Variants in SCARF2 observed in about 807,000 individuals in gnomAD.
SCARF2 encodes scavenger receptor class F member 2, also known as scavenger receptor expressed by endothelial cells 2 protein.
SCARF2 carries 39 observed loss-of-function variants against 73.4 expected under a neutral mutation model. The ratio of observed to expected loss-of-function variants is 0.53; its 90% CI spans 0.41 to 0.69. SCARF2 has a LOEUF of 0.69. SCARF2 is among the 30% of genes least tolerant of loss of function. SCARF2 has a pLI of 0.00. For synonymous variants in SCARF2, 605 were observed against 590.0 expected, an observed-to-expected ratio of 1.03 and a Z score of -0.37; for missense variants, 1,148 against 1,303.5, an observed-to-expected ratio of 0.88 and a Z score of 1.84.
Position 20,437,727 on chromosome 22 carries a change from C to T in SCARF2, c.28G>A (p.Gly10Arg). 1.5e-6 allele frequency: 2 copies of T among 1,300,268 alleles called. No homozygotes were observed. The highest frequency in any genetic ancestry group is 1.9e-6 in the Non-Finnish European group (2 of 1,030,182). 80.5% of individuals were successfully genotyped at this position (1,300,268 alleles called of 1,614,324 possible). A position where few individuals can be genotyped will look rare whatever the true frequency, so the allele number is the denominator to read the frequency against. The stretch of plus-strand genomic sequence containing the variant: ...CCGGCTCCCCGGCGCCGCGCCGGCC[C>T]GGCCCCCCGGGGCCCTGCGCCCTCC... MEGAGPRGA[G>R]PARRRGAGGP... The change falls in exon 1 of 11, where the codon GGG becomes AGG. Residue 10 changes from glycine to arginine, a missense_variant. Transcript: ENST00000622235.
chr22:20,435,242 CAGATCCATTGAGAAAAA>C (rs1569112328), intron 1 of SCARF2, among the ~76,000 whole-genome samples: 1 of 152,190 alleles, frequency 6.6e-6, no homozygotes, highest in African/African-American at 2.4e-5. Flanking sequence ...TTGTCTACAC[CAGATCCATTGAGAAAAA>C]AGACGCTGAG....
In SCARF2 at chr22:20,425,210, C is replaced by T. The variant is rs773508332; in HGVS notation, c.*165G>A. 3 of 526,268 alleles carry T rather than the reference C, an allele frequency of 5.7e-6. No individual in the cohort carries two copies. Among genetic ancestry groups the T allele is most frequent in the Non-Finnish European group, 5.9e-6 (2 of 337,722 alleles). 32.6% of individuals were successfully genotyped at this position (526,268 alleles called of 1,614,324 possible). A position where few individuals can be genotyped will look rare whatever the true frequency, so the allele number is the denominator to read the frequency against. On this transcript the variant is annotated 3_prime_UTR_variant, in exon 11 of 11. Transcript: ENST00000622235. This position sits in a 1 kb window ranked among gnomAD's most constrained non-coding sequence, Gnocchi z 4.6. ...CCCTTCCCGCCAGAGCACACTGCTC[C>T]AATCCAGGAGCGGCTGCAGGACCTG...
In SCARF2 at chr22:20,429,209, G is replaced by A; in HGVS notation, c.1540+16C>T. ...GAGAGGTGTTTCTCCCAGATACCCC[G>A]CGCTGTCATCCTTACCTACGACTTT... is the stretch of plus-strand genomic sequence containing the variant. On this transcript the variant is annotated intron_variant, in intron 9 of 10. Transcript: ENST00000622235. This position sits in a 1 kb window ranked among gnomAD's most constrained non-coding sequence, Gnocchi z 5.2. 6.2e-7 allele frequency: 1 copy of A among 1,613,950 alleles called. No individual in the cohort carries two copies. The highest frequency in any genetic ancestry group is 8.5e-7 in the Non-Finnish European group (1 of 1,180,004).
At chr22:20,436,914 C>A (rs2052706529) in intron 1 of SCARF2, among the ~76,000 whole-genome samples, 1 of 152,220 alleles carries the variant, frequency 6.6e-6, no homozygotes, top group Admixed American at 6.5e-5. Flanking sequence ...CCAGCCGGCG[C>A]CCCACATTTG....
intron 9 of SCARF2, among the ~76,000 whole-genome samples, chr22:20,428,210 TCCTCCCTC>T (rs3072077): frequency 2.0e-4 from 28 of 142,784 alleles, no homozygotes; most frequent in South Asian, 4.7e-4. Flanking sequence ...TTGGGGTTTC[TCCTCCCTC>T]CCTCCCTCCC....
chr22:20,429,757 C>G lies in SCARF2; in HGVS notation c.1279G>C (p.Asp427His), dbSNP rs1454144327. Residue 427 changes from aspartate (D) to histidine (H), a missense_variant, in exon 7 of 11, where the codon GAC becomes CAC. Physicochemically the swap from Asp to His is moderately conservative, Grantham distance 81 (BLOSUM62 -1). Around this residue, in one of 5 missense-constraint regions of SCARF2, gnomAD observed 372 missense variants for 532.0 expected, o/e 0.70. Coordinates refer to ENST00000622235, the MANE Select transcript of SCARF2 (RefSeq NM_182895.5). The surrounding 1 kb of genome is among the most constrained non-coding windows in gnomAD (Gnocchi z 5.2). ...AGGTGGCAGGCACCAGTGACCGGGT[C>G]GCACGTGTCCTCGTGGCAGCTGCAG... ...QACSCHEDTC[D>H]PVTGACHLET... The G allele has an allele frequency of 6.2e-7, 1 of 1,613,734 alleles. No homozygotes were observed. The highest frequency in any genetic ancestry group is 8.5e-7 in the Non-Finnish European group (1 of 1,179,948).
chr22:20,428,013 T>C (rs1569106974), intron 9 of SCARF2, among the ~76,000 whole-genome samples: 1 of 152,150 alleles, frequency 6.6e-6, no homozygotes, highest in Non-Finnish European at 1.5e-5. Flanking sequence ...AGCTGCACCC[T>C]AGGCCTGGCC....
chr22:20,427,460 C>T lies in SCARF2; in HGVS notation c.1631G>A (p.Arg544Gln), dbSNP rs774136061. The change falls in exon 10 of 11, where the codon CGG becomes CAG. Residue 544 changes from arginine (R) to glutamine (Q), a missense_variant. Physicochemically the swap from Arg to Gln is conservative, Grantham distance 43 (BLOSUM62 1). Transcript: ENST00000622235. Reference protein sequence around the residue: ...LEQPSPSWSSRASFSSFDTTD... With the variant: ...LEQPSPSWSSQASFSSFDTTD... ...GGTGTCAAACGAGGAGAAGGAGGCC[C>T]GAGAGGACCAGGATGGTGAGGGCTG... The T allele has an allele frequency of 3.5e-5, 56 of 1,614,002 alleles. 2 individuals are homozygous for T. In the South Asian group the frequency reaches 4.8e-4, roughly 14 times the overall value.
chr22:20,426,384 T>A, intron 10 of SCARF2, 102 bp from the exon 11 acceptor site: 2 of 1,305,210 alleles, frequency 1.5e-6, no homozygotes, highest in Non-Finnish European at 2.1e-6. Flanking sequence ...CCCACGCCCT[T>A]GGCACTGTGT....
At position 20,426,215 on chromosome 22, in the gene SCARF2, A is replaced by AGGGGAC; in HGVS notation, c.1755_1760dup (p.Ser586_Pro587dup). On this transcript the variant is annotated inframe_insertion, in exon 11 of 11. Transcript: ENST00000622235. The stretch of plus-strand genomic sequence containing the variant: ...CGGAGGCTGGCGTGGTCAAGGGCAC[A>AGGGGAC]GGGGACGGCGCCGGCGCCTCGGCAG... 1 of 1,531,962 alleles carries AGGGGAC rather than the reference A, an allele frequency of 6.5e-7. No homozygotes were observed. The allele number at this position is 1,531,962 out of a possible 1,614,324, so 94.9% of individuals were successfully genotyped here. A position where few individuals can be genotyped will look rare whatever the true frequency, so the allele number is the denominator to read the frequency against.
chr22:20,437,390 G>T lies in SCARF2; in HGVS notation c.173+192C>A, dbSNP rs574341828. ...TCCCCTCAGGTGACTTCTCGTCCAG[G>T]GTTCCCTGGGATGCACTGTCGTGGC... On this transcript the variant is annotated intron_variant, in intron 1 of 10. Coordinates refer to ENST00000622235, the MANE Select transcript of SCARF2 (RefSeq NM_182895.5). Among the ~76,000 whole-genome samples the T allele has an allele frequency of 3.3e-5, 5 of 152,318 alleles. No homozygotes were observed. The South Asian group carries it at 1.0e-3, about 32-fold the overall frequency.
Position 20,425,612 on chromosome 22 carries a change from C to A in SCARF2, c.2364G>T (p.Leu788=). ...GCTTTTCCCTGGGGCCCTGCGCGCCCAGGGCCACCTCGGCGCGGCCCAGGC... is the reference window on the plus strand; with the variant it reads ...GCTTTTCCCTGGGGCCCTGCGCGCCAAGGGCCACCTCGGCGCGGCCCAGGC... ...TRSLGRAEVA[L]GAQGPREKPA... The change falls in exon 11 of 11, where the codon CTG becomes CTT. Residue 788 remains leucine, a synonymous_variant. Transcript: ENST00000622235. This position sits in a 1 kb window ranked among gnomAD's most constrained non-coding sequence, Gnocchi z 4.6. 1.5e-6 allele frequency: 2 copies of A among 1,326,698 alleles called. No homozygotes were observed. Among genetic ancestry groups the A allele is most frequent in the South Asian group, 1.9e-5 (1 of 51,776 alleles). The allele number at this position is 1,326,698 out of a possible 1,614,324, so 82.2% of individuals were successfully genotyped here.
At chr22:20,436,803 C>T (rs896452226) in intron 1 of SCARF2, among the ~76,000 whole-genome samples, 2 of 152,196 alleles carry the variant, frequency 1.3e-5, no homozygotes, top group Non-Finnish European at 2.9e-5. Context: ...CAGCTCCTAA[C>T]TCCTGGCGTC....
rs961822061 is a variant in SCARF2, at chr22:20,425,943, C to T, written c.2033G>A (p.Gly678Asp). ...IHGKHSAAAAGRAPSPPPPGS... is the reference protein window; with the variant it reads ...IHGKHSAAAADRAPSPPPPGS... ...TGGCGGCGGTGGTGAGGGCGCACGG[C>T]CAGCTGCAGCGGCGCTGTGCTTGCC... The change falls in exon 11 of 11, where the codon GGC becomes GAC. Residue 678 changes from glycine (G) to aspartate (D), a missense_variant. This residue lies in a region of SCARF2 where 437 missense variants were observed against 433.6 expected (regional missense o/e 1.01). Coordinates refer to ENST00000622235, the MANE Select transcript of SCARF2 (RefSeq NM_182895.5). This position sits in a 1 kb window ranked among gnomAD's most constrained non-coding sequence, Gnocchi z 4.6. 6 of 1,594,666 alleles carry T rather than the reference C, an allele frequency of 3.8e-6. No individual in the cohort carries two copies. Among genetic ancestry groups the T allele is most frequent in the Non-Finnish European group, 5.1e-6 (6 of 1,174,616 alleles).
rs753342665 is a variant in SCARF2 at position 20,425,373 on chromosome 22, T to G, written c.*2A>C. On this transcript the variant is annotated 3_prime_UTR_variant, in exon 11 of 11. Transcript: ENST00000622235. This position sits in a 1 kb window ranked among gnomAD's most constrained non-coding sequence, Gnocchi z 4.6. Reference sequence around the variant, plus strand: ...AGCTGCGCGCGGACGAGCCACAGCCTGCTACAGGGTGGGTGCGCCCGCCCT... The same window carrying G: ...AGCTGCGCGCGGACGAGCCACAGCCGGCTACAGGGTGGGTGCGCCCGCCCT... The G allele has an allele frequency of 8.5e-6, 12 of 1,416,272 alleles. No homozygotes were observed. Among genetic ancestry groups the G allele is most frequent in the Admixed American group, 2.6e-5 (1 of 39,066 alleles). The allele number at this position is 1,416,272 out of a possible 1,614,324, so 87.7% of individuals were successfully genotyped here. A position where few individuals can be genotyped will look rare whatever the true frequency, so the allele number is the denominator to read the frequency against.
Position 20,429,920 on chromosome 22 carries a change from G to T in SCARF2, c.1203-87C>A. 2 of 1,336,990 alleles carry T rather than the reference G, an allele frequency of 1.5e-6. No individual in the cohort carries two copies. The highest frequency in any genetic ancestry group is 2.1e-6 in the Non-Finnish European group (2 of 964,390). 82.8% of individuals were successfully genotyped at this position (1,336,990 alleles called of 1,614,324 possible). ...CCCCTCACCCGCGGCCAGGGCCCAG[G>T]GTCCAGGGTCCCAGAACCGGGCTCT... On this transcript the variant is annotated intron_variant, in intron 6 of 10. Coordinates refer to ENST00000622235, the MANE Select transcript of SCARF2 (RefSeq NM_182895.5). The surrounding 1 kb of genome is among the most constrained non-coding windows in gnomAD (Gnocchi z 5.2).
chr22:20,433,819 G>C lies in SCARF2; in HGVS notation c.174-1831C>G, dbSNP rs921342116. Among the ~76,000 whole-genome samples, 5 of 152,354 alleles carry C rather than the reference G, an allele frequency of 3.3e-5. No individual in the cohort carries two copies. The East Asian group carries it at 9.6e-4, about 29-fold the overall frequency. On this transcript the variant is annotated intron_variant, in intron 1 of 10. Transcript: ENST00000622235. ...AGGTGCCCATCTGCAGGGAGACCCA[G>C]GTCTGCTGGCCATCACCCACCCACT...
At chr22:20,428,362 A>ACTGCAACCTCTGCCTCC (rs11267636) in intron 9 of SCARF2, among the ~76,000 whole-genome samples, 8 of 151,660 alleles carry the variant, frequency 5.3e-5, no homozygotes, top group Non-Finnish European at 8.8e-5. Flanking sequence ...ATCTCGGCTC[A>ACTGCAACCTCTGCCTCC]CTGCAACCTC....
At position 20,429,586 on chromosome 22, in the gene SCARF2, G is replaced by A. The variant is rs200194737; in HGVS notation, c.1374C>T (p.Leu458=). 4.3e-6 allele frequency: 7 copies of A among 1,613,342 alleles called. No individual in the cohort carries two copies. Among genetic ancestry groups the A allele is most frequent in the African/African-American group, 1.3e-5 (1 of 74,928 alleles). ...AAGCGCAGCAGCAGCCGAGCAGCGA[G>A]AGCAGCAGGCAGACGAGCAGGACGA... The part of the protein sequence containing the change: ...ALLVLLVCLL[L]SLLGCCCACR... Residue 458 remains leucine, a synonymous_variant, in exon 8 of 11, where the codon CTC becomes CTT. Coordinates refer to ENST00000622235, the MANE Select transcript of SCARF2 (RefSeq NM_182895.5). The surrounding 1 kb of genome is among the most constrained non-coding windows in gnomAD (Gnocchi z 5.2).
Sources: gnomAD v4.1 joint callset for allele counts (sites outside exome capture counted in the v4.1 genomes callset) on GRCh38, gnomAD v4.1.1 for gene constraint, gnomAD v4.1.1 regional missense constraint, Gnocchi (gnomAD v3.1) non-coding constraint, MANE v1.5 for transcripts, NCBI Gene and HGNC (gene_info 2026-07-23, HGNC 2026-07-21) for gene names.